The following RALGAPA1 variants were observed in gnomAD, a reference collection of about 807,000 sequenced individuals.
The protein encoded by RALGAPA1 is ral GTPase-activating protein subunit alpha-1.
A neutral mutation model predicts 269.6 loss-of-function variants in RALGAPA1; 52 were observed. The ratio of observed to expected loss-of-function variants is 0.19; its 90% CI spans 0.15 to 0.24. The LOEUF is 0.24. Ranked by LOEUF, RALGAPA1 falls within the 10% of genes least tolerant of loss-of-function variation. The pLI is 1.00. For synonymous variants in RALGAPA1, 817 were observed against 1,008.3 expected (o/e 0.81, Z 3.60); for missense variants, 1,917 against 3,013.9 (o/e 0.64, Z 8.52).
rs1006215151 is a variant in RALGAPA1, at chr14:35,750,353, A to T, written c.1011+129T>A. ...TCTATAATTAAAATTTGCATTTACA[A>T]AATATATTTATACAAATAAAATAGC... On this transcript the variant is annotated intron_variant, in intron 9 of 41. Transcript: ENST00000680220. The T allele has an allele frequency of 5.9e-6, 3 of 510,172 alleles. No homozygotes were observed. In the Admixed American group the frequency reaches 1.2e-4, roughly 20 times the overall value. 31.6% of individuals were successfully genotyped at this position (510,172 alleles called of 1,614,324 possible).
intron 36 of RALGAPA1, among the ~76,000 whole-genome samples, chr14:35,600,823 CT>C (rs1482645257): frequency 2.6e-5 from 4 of 152,044 alleles, no homozygotes; most frequent in African/African-American, 7.2e-5. Flanking sequence ...CATCTGCTGT[CT>C]TTTTTTAAAA....
At chr14:35,601,434 C>T (rs1048770567) in intron 36 of RALGAPA1, among the ~76,000 whole-genome samples, 3 of 152,172 alleles carry the variant, frequency 2.0e-5, no homozygotes, top group African/African-American at 4.8e-5. Context: ...GTCTAGGCTC[C>T]TTACCTGACC....
chr14:35,691,128 CTAATT>C (rs1240377388), intron 17 of RALGAPA1, among the ~76,000 whole-genome samples: 1 of 150,972 alleles, frequency 6.6e-6, no homozygotes, highest in Non-Finnish European at 1.5e-5. Context: ...CAGAGATTAT[CTAATT>C]TAACTATCTC....
chr14:35,755,066 C>G lies in RALGAPA1; in HGVS notation c.663+1727G>C, dbSNP rs186661076. 1.6e-3 allele frequency among the ~76,000 whole-genome samples: 240 copies of G among 151,994 alleles called. 2 individuals carry two copies. The highest frequency in any genetic ancestry group is 4.4e-4 in the Non-Finnish European group (30 of 67,956). On this transcript the variant is annotated intron_variant, in intron 7 of 41. Coordinates refer to ENST00000680220, the MANE Select transcript of RALGAPA1 (RefSeq NM_001346249.2). ...CAAGGGGATGAATTACAAAGGGATC[C>G]AAGGGGCATGGTGGCTCACGCCTAT...
intron 10 of RALGAPA1, among the ~76,000 whole-genome samples, chr14:35,743,960 C>G (rs2071806297): frequency 6.6e-6 from 1 of 152,092 alleles, no homozygotes. Context: ...TTTACACAAT[C>G]CAGACAGGGA....
chr14:35,658,472 T>C (rs2063340096), intron 28 of RALGAPA1, among the ~76,000 whole-genome samples: 1 of 152,060 alleles, frequency 6.6e-6, no homozygotes, highest in Admixed American at 6.6e-5. Flanking sequence ...AGACCAATAT[T>C]GTAGCAAATG....
chr14:35,573,034 A>G (rs140023209), intron 37 of RALGAPA1, among the ~76,000 whole-genome samples: 2,393 of 152,312 alleles, frequency 0.016, 53 homozygotes, highest in African/African-American at 0.053. Context: ...TGTTTTAAAA[A>G]AAGAAGTAAG....
At chr14:35,648,287 A>G (rs2139958330) in intron 31 of RALGAPA1, among the ~76,000 whole-genome samples, 1 of 149,606 alleles carries the variant, frequency 6.7e-6, no homozygotes, top group Non-Finnish European at 1.5e-5. Context: ...ATAGAGGGAG[A>G]CTCCTGTCTC....
intron 41 of RALGAPA1, among the ~76,000 whole-genome samples, chr14:35,547,055 C>A (rs567539567): frequency 6.6e-6 from 1 of 152,118 alleles, no homozygotes; most frequent in East Asian, 1.9e-4. Flanking sequence ...AAGTTATTTA[C>A]AAGCAAAAAC....
chr14:35,648,100 T>A, intron 31 of RALGAPA1, among the ~76,000 whole-genome samples: 1 of 149,364 alleles, frequency 6.7e-6, no homozygotes, highest in South Asian at 2.1e-4. Context: ...TACGGTGAAA[T>A]CCCATCTCTA....
At position 35,771,001 on chromosome 14, in the gene RALGAPA1, T is replaced by TA; in HGVS notation, c.268-3dup. 1 of 1,284,260 alleles carries TA rather than the reference T, an allele frequency of 7.8e-7. No individual in the cohort carries two copies. Among genetic ancestry groups the TA allele is most frequent in the Non-Finnish European group, 1.1e-6 (1 of 911,922 alleles). 79.6% of individuals were successfully genotyped at this position (1,284,260 alleles called of 1,614,324 possible). A position where few individuals can be genotyped will look rare whatever the true frequency, so the allele number is the denominator to read the frequency against. ...TTCTGGAAGAAGTTGTAAAATTTTC[T>TA]AAAAATCAATATAAAGAGAAAAAAA... On this transcript the variant is annotated splice_region_variant and splice_polypyrimidine_tract_variant and intron_variant, in intron 3 of 41. Coordinates refer to ENST00000680220, the MANE Select transcript of RALGAPA1 (RefSeq NM_001346249.2).
chr14:35,674,431 G>T, intron 23 of RALGAPA1, 85 bp downstream of exon 23: 1 of 1,309,566 alleles, frequency 7.6e-7, no homozygotes, highest in South Asian at 1.5e-5. Flanking sequence ...AGTCAAAAAG[G>T]GTGTCACAAA....
chr14:35,710,500 T>G (rs2068227839), intron 16 of RALGAPA1, among the ~76,000 whole-genome samples: 1 of 152,162 alleles, frequency 6.6e-6, no homozygotes, highest in African/African-American at 2.4e-5. Flanking sequence ...TCAGGTGATC[T>G]GCCCTCCTTG....
intron 37 of RALGAPA1, among the ~76,000 whole-genome samples, chr14:35,573,071 T>G (rs1345305684): frequency 6.6e-6 from 1 of 152,162 alleles, no homozygotes; most frequent in Non-Finnish European, 1.5e-5. Flanking sequence ...TAATCCCCAG[T>G]TGAGTAAGAG....
intron 16 of RALGAPA1, among the ~76,000 whole-genome samples, chr14:35,702,501 G>C (rs2067437677): frequency 6.6e-6 from 1 of 152,020 alleles, no homozygotes; most frequent in African/African-American, 2.4e-5. Flanking sequence ...CAAAATGTCA[G>C]AATCTCACCC....
At chr14:35,579,892 TA>T (rs1485367625) in intron 37 of RALGAPA1, among the ~76,000 whole-genome samples, 1 of 152,168 alleles carries the variant, frequency 6.6e-6, no homozygotes, top group Non-Finnish European at 1.5e-5. Context: ...TGAAAAAATT[TA>T]AAAATTATTC....
At chr14:35,577,337 C>G (rs2057639309) in intron 37 of RALGAPA1, among the ~76,000 whole-genome samples, 2 of 151,872 alleles carry the variant, frequency 1.3e-5, no homozygotes, top group South Asian at 4.2e-4. Flanking sequence ...AGGTAGGGAA[C>G]TCTGGGAGGT....
At chr14:35,546,904 T>C (rs2054510608) in intron 41 of RALGAPA1, among the ~76,000 whole-genome samples, 1 of 152,152 alleles carries the variant, frequency 6.6e-6, no homozygotes, top group African/African-American at 2.4e-5. Context: ...ATTTTTCAGA[T>C]TCTATGTTTT....
intron 39 of RALGAPA1, chr14:35,564,419 G>C (rs2056534006): frequency 6.6e-6 from 1 of 152,170 alleles, no homozygotes; most frequent in Admixed American, 6.5e-5. Flanking sequence ...TGCATTAGCA[G>C]AACCAATCAA....
Sources: gnomAD v4.1 joint callset for allele counts (sites outside exome capture counted in the v4.1 genomes callset) on GRCh38, gnomAD v4.1.1 for gene constraint, MANE v1.5 for transcripts, NCBI Gene and HGNC (gene_info 2026-07-23, HGNC 2026-07-21) for gene names.